KALRN: variants seen among roughly 807,000 people sequenced by gnomAD.
The protein encoded by KALRN is kalirin.
KALRN carries 70 observed loss-of-function variants against 353.7 expected under a neutral mutation model. The ratio of observed to expected loss-of-function variants is 0.20; its 90% CI spans 0.16 to 0.24. The LOEUF (loss-of-function observed/expected upper bound fraction) is 0.24, where lower values mean the gene tolerates loss of function less well. Among genes scored for constraint, KALRN ranks in the 10% least tolerant of loss-of-function variants. The pLI is 1.00. For missense variants in KALRN, 2,791 were observed against 3,756.7 expected (o/e 0.74, Z 6.72); for synonymous variants, 1,391 against 1,434.8 (o/e 0.97, Z 0.69).
intron 3 of KALRN, among the ~76,000 whole-genome samples, chr3:124,261,798 AC>A (rs2072906502): frequency 6.6e-6 from 1 of 152,190 alleles, no homozygotes; most frequent in Non-Finnish European, 1.5e-5. Flanking sequence ...GAAAGGCAAG[AC>A]CCACAGTTAA....
At chr3:124,055,553 A>G (rs1208303665) in intron 1 of KALRN, among the ~76,000 whole-genome samples, 1 of 152,190 alleles carries the variant, frequency 6.6e-6, no homozygotes, top group Non-Finnish European at 1.5e-5. Context: ...TACTCTATCT[A>G]GCATGATTCT....
intron 37 of KALRN, among the ~76,000 whole-genome samples, chr3:124,642,782 C>A (rs1262288218): frequency 3.6e-5 from 4 of 110,618 alleles, no homozygotes; most frequent in Non-Finnish European, 7.3e-5. Context: ...TAGCATGCTT[C>A]TGTGGAAGAG....
chr3:124,288,651 A>C (rs2076159170), intron 5 of KALRN, among the ~76,000 whole-genome samples: 2 of 152,122 alleles, frequency 1.3e-5, no homozygotes, highest in South Asian at 4.2e-4. Context: ...TGACACGGGA[A>C]AGCAATGTAT....
chr3:124,642,806 G>GTTGTTTTTTTTTTGTTTTTTTTTT (rs796628603), intron 37 of KALRN, among the ~76,000 whole-genome samples: 2 of 96,840 alleles, frequency 2.1e-5, no homozygotes, highest in African/African-American at 9.0e-5. Context: ...CCCAAGCCTC[G>GTTGTTTTTTTTTTGTTTTTTTTTT]TTTTTTTTTT....
chr3:124,560,715 G>C (rs1249027038), intron 33 of KALRN, among the ~76,000 whole-genome samples: 1 of 152,158 alleles, frequency 6.6e-6, no homozygotes, highest in African/African-American at 2.4e-5. Flanking sequence ...AATTAGCTGA[G>C]TGTGGTGGTA....
chr3:124,509,287 C>T (rs560982817), intron 33 of KALRN, among the ~76,000 whole-genome samples: 3 of 152,294 alleles, frequency 2.0e-5, no homozygotes, highest in African/African-American at 7.2e-5. Flanking sequence ...CAGCTCACTG[C>T]AACCTCCACC....
intron 1 of KALRN, among the ~76,000 whole-genome samples, chr3:124,153,565 C>T (rs1351898759): frequency 6.6e-6 from 1 of 150,720 alleles, no homozygotes; most frequent in African/African-American, 2.4e-5. Flanking sequence ...GTGAATAGTG[C>T]CGCAATAAAC....
intron 5 of KALRN, among the ~76,000 whole-genome samples, chr3:124,291,525 G>A (rs964685861): frequency 2.0e-5 from 3 of 152,180 alleles, no homozygotes; most frequent in Non-Finnish European, 2.9e-5. Flanking sequence ...CCCTTTGCTC[G>A]TAGTGGGATA....
In KALRN at chr3:124,097,134, T is replaced by C. The variant is rs2061506450; in HGVS notation, c.73+63321T>C. Among the ~76,000 whole-genome samples, 3 of 152,234 alleles carry C rather than the reference T, an allele frequency of 2.0e-5. No homozygotes were observed. In the East Asian group the frequency reaches 5.8e-4, roughly 29 times the overall value. ...TATTACACATGTGTGCATACCCACA[T>C]CCATATTCAAAAAGAATTTTCAGTT... On this transcript the variant is annotated intron_variant, in intron 1 of 59. Coordinates refer to ENST00000682506, the MANE Select transcript of KALRN (RefSeq NM_001388419.1).
chr3:124,157,391 G>A (rs537969756), intron 1 of KALRN, among the ~76,000 whole-genome samples: 6 of 152,326 alleles, frequency 3.9e-5, no homozygotes, highest in South Asian at 4.1e-4. Context: ...GGAGTTTGTC[G>A]TGGAATCTGT....
chr3:124,667,303 A>G (rs1271681972), intron 47 of KALRN, 120 bp downstream of exon 47: 1 of 832,902 alleles, frequency 1.2e-6, no homozygotes, highest in Non-Finnish European at 1.8e-6. Flanking sequence ...AGGTACTCCA[A>G]CTTTGTAGTT....
At chr3:124,469,796 A>T (rs1414063583) in intron 25 of KALRN, among the ~76,000 whole-genome samples, 2 of 152,186 alleles carry the variant, frequency 1.3e-5, no homozygotes, top group Non-Finnish European at 2.9e-5. Flanking sequence ...AAGGTCATCA[A>T]ATAGTTATTT....
chr3:124,290,269 G>C (rs571958264), intron 5 of KALRN, among the ~76,000 whole-genome samples: 4 of 152,236 alleles, frequency 2.6e-5, no homozygotes, highest in East Asian at 3.9e-4. Flanking sequence ...CCTGGTCTTG[G>C]GGGGCAGACA....
At chr3:124,401,574 T>G (rs1311875331) in intron 13 of KALRN, among the ~76,000 whole-genome samples, 1 of 152,146 alleles carries the variant, frequency 6.6e-6, no homozygotes, top group Non-Finnish European at 1.5e-5. Context: ...GTATAAAAAT[T>G]CCTCGTCCCA....
intron 10 of KALRN, among the ~76,000 whole-genome samples, chr3:124,375,908 C>T (rs930974588): frequency 6.6e-6 from 1 of 152,100 alleles, no homozygotes; most frequent in Admixed American, 6.5e-5. Context: ...AGAACAACTA[C>T]TATAATTTTC....
chr3:124,047,038 A>G (rs2040541644), intron 1 of KALRN, among the ~76,000 whole-genome samples: 2 of 145,782 alleles, frequency 1.4e-5, no homozygotes, highest in Admixed American at 7.0e-5. Context: ...CAAAAGACCT[A>G]TGAAGTCAAC....
At chr3:124,570,809 A>G (rs2110047318) in intron 34 of KALRN, among the ~76,000 whole-genome samples, 1 of 152,334 alleles carries the variant, frequency 6.6e-6, no homozygotes, top group African/African-American at 2.4e-5. Flanking sequence ...ACTCCAGAAC[A>G]TTGGCTTCTT....
At chr3:124,270,336 A>G (rs186874325) in intron 5 of KALRN, among the ~76,000 whole-genome samples, 221 of 152,286 alleles carry the variant, frequency 1.5e-3, no homozygotes, top group Non-Finnish European at 2.5e-3. Context: ...AAATGATGAA[A>G]TCGAGATCTT....
chr3:124,495,189 C>T (rs753406680), intron 32 of KALRN, among the ~76,000 whole-genome samples: 1 of 152,152 alleles, frequency 6.6e-6, no homozygotes, highest in Non-Finnish European at 1.5e-5. Context: ...CACAGAAGCA[C>T]AGCTGGCTCC....
Sources: allele counts gnomAD v4.1 joint callset (sites outside exome capture counted in the v4.1 genomes callset), GRCh38; gene constraint gnomAD v4.1.1; transcripts MANE v1.5; gene names NCBI Gene and HGNC (gene_info 2026-07-23, HGNC 2026-07-21).